SOX5: variants seen among roughly 807,000 people sequenced by gnomAD.
SOX5 encodes transcription factor SOX-5.
Under a neutral mutation model 92.0 loss-of-function variants are expected in SOX5, and 9 were observed. The observed-to-expected ratio is 0.10, with a 90% CI of 0.06 to 0.17. The LOEUF is 0.17. SOX5 is among the 10% of genes least tolerant of loss of function. SOX5 has a pLI of 1.00. For synonymous variants in SOX5, 344 were observed against 336.3 expected (o/e 1.02, Z -0.25); for missense variants, 642 against 944.5 (o/e 0.68, Z 4.20).
At chr12:23,586,624 T>G (rs565502623) in intron 9 of SOX5, among the ~76,000 whole-genome samples, 18 of 150,702 alleles carry the variant, frequency 1.2e-4, no homozygotes, top group African/African-American at 4.1e-4. Context: ...ATTTCCTTAT[T>G]CTGTGAATCC....
intron 1 of SOX5, among the ~76,000 whole-genome samples, chr12:24,429,834 T>C (rs11047433): frequency 0.23 from 35,211 of 152,064 alleles, 4,863 homozygotes; most frequent in East Asian, 0.67. Flanking sequence ...GATTATAAGA[T>C]AACATCCAAT....
intron 4 of SOX5, among the ~76,000 whole-genome samples, chr12:24,118,158 C>T (rs1948256467): frequency 6.6e-6 from 1 of 151,230 alleles, no homozygotes; most frequent in Non-Finnish European, 1.5e-5. Context: ...TTTAATTATA[C>T]TGGGGGAATA....
At chr12:23,741,934 G>A (rs1372856818) in intron 4 of SOX5, among the ~76,000 whole-genome samples, 1 of 152,116 alleles carries the variant, frequency 6.6e-6, no homozygotes, top group Non-Finnish European at 1.5e-5. Flanking sequence ...AGTATGTGCT[G>A]TTCACTGAAA....
At chr12:24,363,461 G>C (rs771918962) in intron 2 of SOX5, among the ~76,000 whole-genome samples, 17 of 152,140 alleles carry the variant, frequency 1.1e-4, no homozygotes, top group African/African-American at 2.9e-4. Context: ...TGAGTAGAAA[G>C]AGCAGGTTGA....
intron 1 of SOX5, among the ~76,000 whole-genome samples, chr12:24,437,796 G>A (rs773897592): frequency 6.6e-6 from 1 of 152,208 alleles, no homozygotes; most frequent in Non-Finnish European, 1.5e-5. Flanking sequence ...ATGCTGGAGA[G>A]GACATGGAGA....
Position 23,854,331 on chromosome 12 carries a change from T to C in SOX5, c.271-8138A>G, listed in dbSNP as rs73265690. ...ATTGTGGTCCTCCCATGCAGTAAAA[T>C]ATAATGGCAGCAAAGCAGTATAAAG... On this transcript the variant is annotated intron_variant, in intron 2 of 14. Transcript: ENST00000451604. Among the ~76,000 whole-genome samples the C allele has an allele frequency of 2.2e-3, 338 of 152,180 alleles. 2 individuals carry two copies. Among genetic ancestry groups the C allele is most frequent in the African/African-American group, 7.9e-3 (327 of 41,556 alleles).
intron 4 of SOX5, among the ~76,000 whole-genome samples, chr12:24,122,014 C>T (rs1948684595): frequency 6.6e-6 from 1 of 151,484 alleles, no homozygotes; most frequent in South Asian, 2.1e-4. Context: ...CTGAAGGGGG[C>T]TGATGATTAA....
intron 1 of SOX5, among the ~76,000 whole-genome samples, chr12:23,927,845 A>G (rs915426163): frequency 3.3e-5 from 5 of 152,050 alleles, no homozygotes; most frequent in African/African-American, 1.2e-4. Context: ...CAGTGTGCTA[A>G]TATCATGTTC....
intron 6 of SOX5, among the ~76,000 whole-genome samples, chr12:23,722,770 GGT>G (rs1298607438): frequency 6.6e-6 from 1 of 152,094 alleles, no homozygotes; most frequent in South Asian, 2.1e-4. Context: ...AAACGGCTCT[GGT>G]CTTTTCTTTT....
chr12:24,046,257 T>G (rs1957014783), intron 4 of SOX5, among the ~76,000 whole-genome samples: 1 of 131,056 alleles, frequency 7.6e-6, no homozygotes, highest in Admixed American at 7.8e-5. Context: ...TAAAAGGTAG[T>G]GATGTAAAAG....
intron 12 of SOX5, among the ~76,000 whole-genome samples, chr12:23,544,576 A>G (rs1942762713): frequency 6.6e-6 from 1 of 152,228 alleles, no homozygotes; most frequent in African/African-American, 2.4e-5. Flanking sequence ...ATAGCAGCAC[A>G]TTCAAAACAT....
intron 1 of SOX5, among the ~76,000 whole-genome samples, chr12:23,909,774 A>G (rs2097331379): frequency 6.6e-6 from 1 of 152,044 alleles, no homozygotes; most frequent in Non-Finnish European, 1.5e-5. Context: ...CTTGATGGAG[A>G]AAAGTAATCA....
At chr12:24,419,323 G>A (rs116157322) in intron 1 of SOX5, among the ~76,000 whole-genome samples, 2 of 152,026 alleles carry the variant, frequency 1.3e-5, no homozygotes, top group African/African-American at 4.8e-5. Context: ...TATTTTAGTA[G>A]AGACAAGGCT....
intron 1 of SOX5, among the ~76,000 whole-genome samples, chr12:24,557,463 C>G (rs773293312): frequency 1.3e-5 from 2 of 151,460 alleles, no homozygotes; most frequent in African/African-American, 4.8e-5. Flanking sequence ...GAGGTAGAAC[C>G]CTGTAAGTTC....
chr12:23,885,207 AG>A (rs1273812369), intron 2 of SOX5, among the ~76,000 whole-genome samples: 1 of 152,194 alleles, frequency 6.6e-6, no homozygotes. Flanking sequence ...GTGGTTTCAA[AG>A]CTTTGTACAG....
chr12:23,759,031 AC>A (rs2094493366), intron 3 of SOX5, among the ~76,000 whole-genome samples: 1 of 5,154 alleles, frequency 1.9e-4, no homozygotes, highest in South Asian at 0.033. Flanking sequence ...ACACACACAG[AC>A]ACACACACAC....
At chr12:23,606,594 T>G (rs1015690828) in intron 8 of SOX5, among the ~76,000 whole-genome samples, 1 of 151,940 alleles carries the variant, frequency 6.6e-6, no homozygotes, top group African/African-American at 2.4e-5. Flanking sequence ...CAAGTAGCCA[T>G]TAAATGTGAT....
At chr12:23,937,083 CA>C (rs1443531662) in intron 1 of SOX5, among the ~76,000 whole-genome samples, 2 of 151,022 alleles carry the variant, frequency 1.3e-5, no homozygotes, top group Admixed American at 1.3e-4. Context: ...TCCATTCACA[CA>C]ACCTACATAT....
At chr12:24,463,361 T>C (rs959051091) in intron 1 of SOX5, among the ~76,000 whole-genome samples, 14 of 152,148 alleles carry the variant, frequency 9.2e-5, no homozygotes, top group African/African-American at 3.4e-4. Flanking sequence ...TACAGCTAAG[T>C]TCGAAAGCAA....
Sources: allele counts gnomAD v4.1 joint callset (sites outside exome capture counted in the v4.1 genomes callset), GRCh38; gene constraint gnomAD v4.1.1; transcripts MANE v1.5; gene names NCBI Gene and HGNC (gene_info 2026-07-23, HGNC 2026-07-21).